Variants in AOPEP observed in about 807,000 individuals in gnomAD.
The protein encoded by AOPEP is aminopeptidase O (putative).
In AOPEP, 77 loss-of-function variants were observed where a neutral mutation model predicts 98.1. The observed-to-expected ratio is 0.78, with a 90% CI of 0.65 to 0.95. AOPEP has a LOEUF of 0.95. Ranked by LOEUF, AOPEP falls within the 40% of genes least tolerant of loss-of-function variation. The pLI, the probability that AOPEP is intolerant of heterozygous loss-of-function variation, is 0.00. For missense variants in AOPEP, 1,024 were observed against 1,024.7 expected (o/e 1.00, Z 0.01); for synonymous variants, 346 against 365.3 (o/e 0.95, Z 0.60).
chr9:94,989,155 G>A (rs1320210442), intron 11 of AOPEP, among the ~76,000 whole-genome samples: 1 of 152,016 alleles, frequency 6.6e-6, no homozygotes, highest in Non-Finnish European at 1.5e-5. Context: ...AGGCTGGAGT[G>A]CAGTGGCATG....
At chr9:95,100,548 AC>A in the AOPEP span, 1 of 231,618 alleles carries the variant, frequency 4.3e-6, no homozygotes, top group African/African-American at 2.2e-5. Flanking sequence ...AAAAGAATGT[AC>A]AACCAATACA....
the AOPEP span, among the ~76,000 whole-genome samples, chr9:95,146,593 T>C: frequency 5.6e-3 from 853 of 151,500 alleles, 9 homozygotes; most frequent in African/African-American, 0.02. Flanking sequence ...AAGCAGTAAG[T>C]ATCATTTTAA....
At chr9:95,038,983 T>C (rs879912122) in intron 13 of AOPEP, among the ~76,000 whole-genome samples, 5 of 152,108 alleles carry the variant, frequency 3.3e-5, no homozygotes, top group Non-Finnish European at 5.9e-5. Flanking sequence ...GCAATCGAAA[T>C]GATCCTGTTA....
At chr9:94,938,848 A>G (rs910812502) in intron 7 of AOPEP, among the ~76,000 whole-genome samples, 5 of 152,230 alleles carry the variant, frequency 3.3e-5, no homozygotes, top group African/African-American at 1.2e-4. Flanking sequence ...TAGAGAACAG[A>G]TGGAATCAGG....
intron 7 of AOPEP, chr9:94,935,159 C>T (rs748887915): frequency 1.3e-5 from 2 of 152,170 alleles, no homozygotes; most frequent in Non-Finnish European, 2.9e-5. Flanking sequence ...CTCATGAGCT[C>T]TGGTTATTTA....
intron 3 of AOPEP, among the ~76,000 whole-genome samples, chr9:94,783,435 C>T (rs1002351101): frequency 1.3e-5 from 2 of 152,228 alleles, no homozygotes; most frequent in African/African-American, 4.8e-5. Context: ...CTCGTTTGTT[C>T]TGGTGCCAGT....
the AOPEP span, among the ~76,000 whole-genome samples, chr9:95,146,487 C>CAAAAAA: frequency 9.4e-3 from 427 of 45,358 alleles, 21 homozygotes; most frequent in Middle Eastern, 0.022. Flanking sequence ...GACCCCATCT[C>CAAAAAA]AAAAAAAAAA....
Position 94,759,718 on chromosome 9 carries a change from A to G in AOPEP, c.-66A>G. On this transcript the variant is annotated 5_prime_UTR_variant, in exon 2 of 17. Coordinates refer to ENST00000375315, the MANE Select transcript of AOPEP (RefSeq NM_001193329.3). Reference sequence around the variant, plus strand: ...GATAAGCAGCTATTTATGATTCTGGAAGATTAAGGCAGATAGGAAACCCCA... The same window carrying G: ...GATAAGCAGCTATTTATGATTCTGGGAGATTAAGGCAGATAGGAAACCCCA... The G allele has an allele frequency of 7.9e-7, 1 of 1,263,050 alleles. No individual in the cohort carries two copies. The highest frequency in any genetic ancestry group is 1.1e-6 in the Non-Finnish European group (1 of 905,902). The allele number at this position is 1,263,050 out of a possible 1,614,324, so 78.2% of individuals were successfully genotyped here. A position where few individuals can be genotyped will look rare whatever the true frequency, so the allele number is the denominator to read the frequency against.
chr9:95,094,078 T>G, the AOPEP span, among the ~76,000 whole-genome samples: 1 of 152,190 alleles, frequency 6.6e-6, no homozygotes, highest in Non-Finnish European at 1.5e-5. Flanking sequence ...CTCTTCTCCT[T>G]TCTCTCCCTT....
rs530734422 is a variant in AOPEP, at chr9:94,945,057, A to C, written c.1662-10120A>C. The stretch of plus-strand genomic sequence containing the variant: ...GGCAGGAGGCGACTGGTGACCTCCG[A>C]GGTTTGGATGAGACCCACGGGGCCA... On this transcript the variant is annotated intron_variant, in intron 7 of 16. Transcript: ENST00000375315. 4.6e-5 allele frequency among the ~76,000 whole-genome samples: 7 copies of C among 152,272 alleles called. No homozygotes were observed. In the South Asian group the frequency reaches 1.5e-3, roughly 32 times the overall value.
intron 7 of AOPEP, among the ~76,000 whole-genome samples, chr9:94,944,894 G>T (rs777486858): frequency 6.6e-6 from 1 of 152,154 alleles, no homozygotes; most frequent in Admixed American, 6.5e-5. Flanking sequence ...ACCACTATAT[G>T]TGAATTACAT....
chr9:94,976,109 C>T (rs1295494634), intron 10 of AOPEP, among the ~76,000 whole-genome samples: 1 of 152,176 alleles, frequency 6.6e-6, no homozygotes, highest in Non-Finnish European at 1.5e-5. Context: ...GGACCATCAT[C>T]TCTACAGGCG....
Position 94,979,326 on chromosome 9 carries a change from A to G in AOPEP, c.1917-41A>G, listed in dbSNP as rs773266448. The G allele has an allele frequency of 4.3e-6, 6 of 1,403,750 alleles. No homozygotes were observed. In the African/African-American group the frequency reaches 8.4e-5, roughly 20 times the overall value. The allele number at this position is 1,403,750 out of a possible 1,614,324, so 87.0% of individuals were successfully genotyped here. On this transcript the variant is annotated intron_variant, in intron 10 of 16. Coordinates refer to ENST00000375315, the MANE Select transcript of AOPEP (RefSeq NM_001193329.3). ...CCAGTCTGTGTAATAAGCGCTCTGT[A>G]ACTTTTTAATCCTTTACTTTTTGTT...
intron 10 of AOPEP, among the ~76,000 whole-genome samples, chr9:94,973,349 C>G (rs1210401358): frequency 6.6e-6 from 1 of 152,236 alleles, no homozygotes; most frequent in African/African-American, 2.4e-5. Flanking sequence ...CCTTGGAAAT[C>G]AACTGAGCGA....
At chr9:94,760,781 G>A (rs1838089506) in intron 2 of AOPEP, 2 of 428,544 alleles carry the variant, frequency 4.7e-6, no homozygotes, top group Non-Finnish European at 8.2e-6. Context: ...GCTCCCTTAA[G>A]TCAGGATGAA....
At chr9:95,097,430 T>C in the AOPEP span, among the ~76,000 whole-genome samples, 1 of 152,178 alleles carries the variant, frequency 6.6e-6, no homozygotes, top group African/African-American at 2.4e-5. Flanking sequence ...CCCAGGCTCC[T>C]CCATCTGATG....
intron 11 of AOPEP, among the ~76,000 whole-genome samples, chr9:94,988,037 A>G (rs2060631469): frequency 6.6e-6 from 1 of 152,176 alleles, no homozygotes; most frequent in African/African-American, 2.4e-5. Flanking sequence ...GAGGTAGTCT[A>G]GTGGAGGGTG....
At chr9:95,066,850 A>G (rs911715061) in intron 14 of AOPEP, among the ~76,000 whole-genome samples, 1 of 152,186 alleles carries the variant, frequency 6.6e-6, no homozygotes, top group Non-Finnish European at 1.5e-5. Flanking sequence ...CTCGAGTGGA[A>G]TTAATGCATT....
At chr9:94,910,914 C>T (rs544052010) in intron 5 of AOPEP, among the ~76,000 whole-genome samples, 68 of 152,252 alleles carry the variant, frequency 4.5e-4, no homozygotes, top group African/African-American at 1.6e-3. Flanking sequence ...TCTGGGCCTC[C>T]TCGTGATGTT....
Sources: allele counts gnomAD v4.1 joint callset (sites outside exome capture counted in the v4.1 genomes callset), GRCh38; gene constraint gnomAD v4.1.1; transcripts MANE v1.5; gene names NCBI Gene and HGNC (gene_info 2026-07-23, HGNC 2026-07-21).